The following ZSCAN5A variants were observed in gnomAD, a reference collection of about 807,000 sequenced individuals.
ZSCAN5A encodes zinc finger and SCAN domain containing 5A, also known as zinc finger and SCAN domain-containing protein 5A.
ZSCAN5A carries 12 observed loss-of-function variants against 23.7 expected under a neutral mutation model. The observed-to-expected ratio is 0.51, with a 90% CI of 0.32 to 0.82. The LOEUF is 0.82. Among genes scored for constraint, ZSCAN5A ranks in the 40% least tolerant of loss-of-function variants. The probability of loss-of-function intolerance (pLI) is 0.03; values close to 1 mark genes in which losing one functional copy is unlikely to be tolerated. For missense variants in ZSCAN5A, 597 were observed against 617.9 expected (o/e 0.97, Z 0.36); for synonymous variants, 257 against 239.9 (o/e 1.07, Z -0.66).
At position 56,321,419 on chromosome 19, in the gene ZSCAN5A, CAG is replaced by C. The variant is rs769976570; in HGVS notation, c.-357-5153_-357-5152del. The C allele has an allele frequency of 4.9e-4, 328 of 662,688 alleles. 1 individual carries two copies. The highest frequency in any genetic ancestry group is 6.5e-4 in the South Asian group (38 of 58,438). 41.1% of individuals were successfully genotyped at this position (662,688 alleles called of 1,614,324 possible). ...GCATCCTTATCATCTATTTTGCACA[CAG>C]AGTCTGTGAAATGTCCAACGGCATT... On this transcript the variant is annotated intron_variant, in intron 2 of 6. Coordinates refer to the ZSCAN5A transcript ENST00000587340.
chr19:56,233,930 A>G (rs1485726846), intron 2 of ZSCAN5A, among the ~76,000 whole-genome samples: 1 of 152,160 alleles, frequency 6.6e-6, no homozygotes, highest in Non-Finnish European at 1.5e-5. Context: ...AGGCACCGTG[A>G]GCACGCACAG....
chr19:56,260,377 G>A (rs2037040683), intron 2 of ZSCAN5A, among the ~76,000 whole-genome samples: 1 of 151,942 alleles, frequency 6.6e-6, no homozygotes, highest in South Asian at 2.1e-4. Flanking sequence ...ACCACGCCCG[G>A]CTAGTTATGT....
chr19:56,312,104 T>C (rs1359280448), intron 2 of ZSCAN5A: 1 of 152,208 alleles, frequency 6.6e-6, no homozygotes, highest in Non-Finnish European at 1.5e-5. Flanking sequence ...ATAAAAAAAA[T>C]TATTAATGAG....
Position 56,222,311 on chromosome 19 carries a change from G to A in ZSCAN5A, c.755C>T (p.Ala252Val). 1 of 1,611,576 alleles carries A rather than the reference G, an allele frequency of 6.2e-7. No individual in the cohort carries two copies. Among genetic ancestry groups the A allele is most frequent in the Non-Finnish European group, 8.5e-7 (1 of 1,179,820 alleles). ...LPKSPTDLVRAKEGKDPPKIA... is the reference protein window; with the variant it reads ...LPKSPTDLVRVKEGKDPPKIA... ...TTTTGGGGGGTCCTTCCCCTCCTTTGCTCTCACCAGATCTGCTGGAAGAAG... is the reference window on the plus strand; with the variant it reads ...TTTTGGGGGGTCCTTCCCCTCCTTTACTCTCACCAGATCTGCTGGAAGAAG... Residue 252 changes from alanine (A) to valine (V), a missense_variant, in exon 6 of 6, where the codon GCA becomes GTA. By Grantham distance (64) the Ala-to-Val change is moderately conservative (BLOSUM62 0). This residue lies in a region of ZSCAN5A where 406 missense variants were observed against 353.2 expected (regional missense o/e 1.15). Coordinates refer to ENST00000683990, the MANE Select transcript of ZSCAN5A (RefSeq NM_001322064.3).
intron 2 of ZSCAN5A, among the ~76,000 whole-genome samples, chr19:56,345,643 A>T (rs532239025): frequency 6.6e-6 from 1 of 152,304 alleles, no homozygotes; most frequent in Admixed American, 6.5e-5. Context: ...TGGTATAAGG[A>T]GACCAATTTT....
intron 2 of ZSCAN5A, chr19:56,354,791 A>C (rs913098738): frequency 6.6e-6 from 1 of 152,376 alleles, no homozygotes; most frequent in Non-Finnish European, 1.5e-5. Context: ...TAATAATGGA[A>C]TGTCAGCGTG....
chr19:56,233,867 A>T (rs893999361), intron 2 of ZSCAN5A, among the ~76,000 whole-genome samples: 1 of 152,132 alleles, frequency 6.6e-6, no homozygotes, highest in Non-Finnish European at 1.5e-5. Context: ...CCCTCAGAAT[A>T]ACATTCAGTC....
chr19:56,229,004 G>C (rs2034232078), intron 2 of ZSCAN5A, among the ~76,000 whole-genome samples: 1 of 152,148 alleles, frequency 6.6e-6, no homozygotes, highest in Admixed American at 6.5e-5. Flanking sequence ...AGGGTCCTAC[G>C]GGGTTCCCTA....
intron 1 of ZSCAN5A, among the ~76,000 whole-genome samples, chr19:56,366,209 C>G (rs565158376): frequency 6.6e-6 from 1 of 151,950 alleles, no homozygotes. Flanking sequence ...TTTGGGAGGC[C>G]GAGGCGGGCG....
chr19:56,314,810 C>G lies in ZSCAN5A; in HGVS notation c.-359G>C, dbSNP rs2041266655. On this transcript the variant is annotated 5_prime_UTR_variant, in exon 1 of 6. Coordinates refer to ENST00000683990, the MANE Select transcript of ZSCAN5A (RefSeq NM_001322064.3). ...GAGTGGGGCCGGGGAGAGCGGGACG[C>G]CTGGATCGGGAACTTGTCGCATTCA... is the stretch of plus-strand genomic sequence containing the variant. 6.6e-6 allele frequency: 1 copy of G among 152,300 alleles called. No homozygotes were observed. The highest frequency in any genetic ancestry group is 2.1e-4 in the South Asian group (1 of 4,836). The allele number at this position is 152,300 out of a possible 1,614,324, so 9.4% of individuals were successfully genotyped here. A position where few individuals can be genotyped will look rare whatever the true frequency, so the allele number is the denominator to read the frequency against.
At chr19:56,244,708 C>T (rs1245733498) in intron 2 of ZSCAN5A, among the ~76,000 whole-genome samples, 2 of 149,850 alleles carry the variant, frequency 1.3e-5, no homozygotes, top group African/African-American at 2.5e-5. Flanking sequence ...CGGCAAGTTC[C>T]TGGTGTAGGA....
At chr19:56,304,178 G>A (rs888048101) in intron 2 of ZSCAN5A, among the ~76,000 whole-genome samples, 1 of 152,200 alleles carries the variant, frequency 6.6e-6, no homozygotes, top group Non-Finnish European at 1.5e-5. Flanking sequence ...GAGGAGGCCC[G>A]ACCAGCCAGC....
At chr19:56,295,658 T>C (rs893542952) in intron 2 of ZSCAN5A, among the ~76,000 whole-genome samples, 1 of 152,134 alleles carries the variant, frequency 6.6e-6, no homozygotes, top group African/African-American at 2.4e-5. Context: ...GGCGGCTTCC[T>C]TCCCAGCCTA....
At position 56,313,384 on chromosome 19, in the gene ZSCAN5A, C is replaced by G. The variant is rs894060388; in HGVS notation, c.-229G>C. The G allele has an allele frequency of 5.2e-6, 1 of 193,730 alleles. No individual in the cohort carries two copies. The highest frequency in any genetic ancestry group is 2.4e-5 in the African/African-American group (1 of 41,800). 12.0% of individuals were successfully genotyped at this position (193,730 alleles called of 1,614,324 possible). ...AAGAGAGCTTGAGCAGGGAACCTCC[C>G]CTTTATAAAAAACCATCAGATCTCG... On this transcript the variant is annotated splice_region_variant and 5_prime_UTR_variant, in exon 2 of 6. Coordinates refer to ENST00000683990, the MANE Select transcript of ZSCAN5A (RefSeq NM_001322064.3).
chr19:56,266,489 C>A (rs1251482890), intron 2 of ZSCAN5A: 2 of 114,918 alleles, frequency 1.7e-5, no homozygotes, highest in East Asian at 2.1e-4. Flanking sequence ...GGGAGATGCC[C>A]CCACTTTTTT....
At chr19:56,296,088 C>T (rs929430338) in intron 2 of ZSCAN5A, 3 of 152,380 alleles carry the variant, frequency 2.0e-5, no homozygotes, top group Admixed American at 2.0e-4. Context: ...CTCACACCCT[C>T]ACGTCAACTC....
intron 2 of ZSCAN5A, among the ~76,000 whole-genome samples, chr19:56,343,787 T>C (rs2041612252): frequency 6.6e-6 from 1 of 152,248 alleles, no homozygotes; most frequent in Non-Finnish European, 1.5e-5. Flanking sequence ...CCTTTTACCT[T>C]GTTTTATATA....
chr19:56,345,423 G>T (rs1344267453), intron 2 of ZSCAN5A, among the ~76,000 whole-genome samples: 1 of 152,126 alleles, frequency 6.6e-6, no homozygotes, highest in Non-Finnish European at 1.5e-5. Context: ...TGCTATCATG[G>T]ATTTTCAGAT....
intron 2 of ZSCAN5A, among the ~76,000 whole-genome samples, chr19:56,302,447 CCT>C (rs1333951286): frequency 1.4e-5 from 2 of 142,308 alleles, no homozygotes; most frequent in African/African-American, 2.7e-5. Context: ...TTCCTTTCTT[CCT>C]CTCTCCGTCT....
Sources: gnomAD v4.1 joint callset for allele counts (sites outside exome capture counted in the v4.1 genomes callset) on GRCh38, gnomAD v4.1.1 for gene constraint, gnomAD v4.1.1 regional missense constraint, MANE v1.5 for transcripts, NCBI Gene and HGNC (gene_info 2026-07-23, HGNC 2026-07-21) for gene names.